The following SLC2A1 variants were observed in gnomAD, a reference collection of about 807,000 sequenced individuals.
SLC2A1 encodes solute carrier family 2, facilitated glucose transporter member 1.
A neutral mutation model predicts 46.6 loss-of-function variants in SLC2A1; 4 were observed. The ratio of observed to expected loss-of-function variants is 0.09; its 90% CI spans 0.04 to 0.20. The LOEUF (loss-of-function observed/expected upper bound fraction) is 0.20, where lower values mean the gene tolerates loss of function less well. Ranked by LOEUF, SLC2A1 falls within the 10% of genes least tolerant of loss-of-function variation. The pLI is 1.00. For synonymous variants in SLC2A1, 253 were observed against 270.0 expected, an observed-to-expected ratio of 0.94 and a Z score of 0.62; for missense variants, 352 against 667.0, an observed-to-expected ratio of 0.53 and a Z score of 5.20.
In SLC2A1 at chr1:42,926,666, G is replaced by C; in HGVS notation, c.*375C>G. Reference sequence around the variant, plus strand: ...CTTAGGACATAGGTCCAGCCCTACAGATTAGCTGGGTGAAGAAGGCAAGTG... The same window carrying C: ...CTTAGGACATAGGTCCAGCCCTACACATTAGCTGGGTGAAGAAGGCAAGTG... On this transcript the variant is annotated 3_prime_UTR_variant, in exon 10 of 10. Transcript: ENST00000426263. 2.3e-6 allele frequency: 3 copies of C among 1,298,908 alleles called. No individual in the cohort carries two copies. The highest frequency in any genetic ancestry group is 3.0e-6 in the Non-Finnish European group (3 of 992,160). 80.5% of individuals were successfully genotyped at this position (1,298,908 alleles called of 1,614,324 possible).
At chr1:42,928,884 C>T in intron 8 of SLC2A1, 48 bp downstream of exon 8, 2 of 1,539,486 alleles carry the variant, frequency 1.3e-6, no homozygotes, top group Non-Finnish European at 1.8e-6. Context: ...ATATGAAGCC[C>T]AGGCAAACTC....
Position 42,928,210 on chromosome 1 carries a change from G to A in SLC2A1, c.1075-402C>T, listed in dbSNP as rs138762295. Reference sequence around the variant, plus strand: ...GGCACAGAGTAAGCGCTAAGCATACGGTTCTGCATATAACCATTCTTGAGG... The same window carrying A: ...GGCACAGAGTAAGCGCTAAGCATACAGTTCTGCATATAACCATTCTTGAGG... On this transcript the variant is annotated intron_variant, in intron 8 of 9. Coordinates refer to ENST00000426263, the MANE Select transcript of SLC2A1 (RefSeq NM_006516.4). 3.3e-3 allele frequency among the ~76,000 whole-genome samples: 508 copies of A among 152,298 alleles called. 5 individuals carry two copies. The highest frequency in any genetic ancestry group is 0.011 in the African/African-American group (472 of 41,556).
intron 1 of SLC2A1, among the ~76,000 whole-genome samples, chr1:42,958,301 G>A (rs940419648): frequency 1.2e-4 from 18 of 151,364 alleles, no homozygotes; most frequent in African/African-American, 4.1e-4. Flanking sequence ...GAGGTCGTGT[G>A]CGACGTGCCG....
intron 1 of SLC2A1, 57 bp downstream of exon 1, chr1:42,958,577 C>A (rs1051187867): frequency 2.1e-6 from 3 of 1,445,146 alleles, no homozygotes; most frequent in African/African-American, 3.0e-5. Flanking sequence ...CGGCGTAAGG[C>A]GGGCAGGAGT....
At chr1:42,948,659 T>C (rs1471831049) in intron 1 of SLC2A1, among the ~76,000 whole-genome samples, 7 of 152,142 alleles carry the variant, frequency 4.6e-5, no homozygotes, top group Non-Finnish European at 4.4e-5. Context: ...CTGGGCGCGG[T>C]GGCTTACACC....
intron 1 of SLC2A1, among the ~76,000 whole-genome samples, chr1:42,948,772 T>C (rs564717142): frequency 1.3e-5 from 2 of 151,634 alleles, no homozygotes; most frequent in East Asian, 3.9e-4. Context: ...CTACTAAAAA[T>C]AGAAAAGTTG....
chr1:42,928,110 G>T (rs1184385640), intron 8 of SLC2A1, among the ~76,000 whole-genome samples: 1 of 152,232 alleles, frequency 6.6e-6, no homozygotes, highest in African/African-American at 2.4e-5. Context: ...CAGTCCGCCT[G>T]TGGCAGGATG....
Position 42,929,183 on chromosome 1 carries a change from TG to T in SLC2A1, c.972+26del, listed in dbSNP as rs761093585. On this transcript the variant is annotated intron_variant, in intron 7 of 9. Coordinates refer to ENST00000426263, the MANE Select transcript of SLC2A1 (RefSeq NM_006516.4). This position sits in a 1 kb window ranked among gnomAD's most constrained non-coding sequence, Gnocchi z 6.0. ...CACTGCCTCCTCCCTGGGGTTTGGC[TG>T]GGGGGGCCAGTAAGCAAAGACTCAC... 28 of 1,599,882 alleles carry T rather than the reference TG, an allele frequency of 1.8e-5. No homozygotes were observed. The highest frequency in any genetic ancestry group is 4.0e-5 in the African/African-American group (3 of 74,480).
At position 42,958,825 on chromosome 1, in the gene SLC2A1, C is replaced by G; in HGVS notation, c.-174G>C. ...CCTGGCGTGCTCACTCGGGGACCCG[C>G]GACTAGCGACCGGCACGCTCGCTGT... On this transcript the variant is annotated 5_prime_UTR_variant, in exon 1 of 10. Transcript: ENST00000426263. The G allele has an allele frequency of 5.0e-6, 3 of 599,856 alleles. No individual in the cohort carries two copies. In the South Asian group the frequency reaches 6.0e-5, roughly 12 times the overall value. The allele number at this position is 599,856 out of a possible 1,614,324, so 37.2% of individuals were successfully genotyped here.
chr1:42,929,189 G>A lies in SLC2A1; in HGVS notation c.972+21C>T, dbSNP rs200306294. On this transcript the variant is annotated intron_variant, in intron 7 of 9. Coordinates refer to ENST00000426263, the MANE Select transcript of SLC2A1 (RefSeq NM_006516.4). The surrounding 1 kb of genome is among the most constrained non-coding windows in gnomAD (Gnocchi z 6.0). ...CTCCTCCCTGGGGTTTGGCTGGGGG[G>A]GCCAGTAAGCAAAGACTCACCGACA... The A allele has an allele frequency of 1.2e-5, 19 of 1,603,670 alleles. No individual in the cohort carries two copies. The South Asian group carries it at 1.8e-4, about 15-fold the overall frequency.
At position 42,930,105 on chromosome 1, in the gene SLC2A1, C is replaced by G; in HGVS notation, c.517-70G>C. Reference sequence around the variant, plus strand: ...TCCCACCCCGTCCTGCCAGAGTGGCCTTCCCTACTTTGTGTCAGCTGCTGC... The same window carrying G: ...TCCCACCCCGTCCTGCCAGAGTGGCGTTCCCTACTTTGTGTCAGCTGCTGC... On this transcript the variant is annotated intron_variant, in intron 4 of 9. Coordinates refer to ENST00000426263, the MANE Select transcript of SLC2A1 (RefSeq NM_006516.4). The surrounding 1 kb of genome is among the most constrained non-coding windows in gnomAD (Gnocchi z 6.2). 2.6e-6 allele frequency: 4 copies of G among 1,565,002 alleles called. No individual in the cohort carries two copies. Among genetic ancestry groups the G allele is most frequent in the Non-Finnish European group, 3.5e-6 (4 of 1,143,466 alleles).
intron 1 of SLC2A1, among the ~76,000 whole-genome samples, chr1:42,957,452 A>G (rs951508284): frequency 6.6e-6 from 1 of 152,226 alleles, no homozygotes; most frequent in Non-Finnish European, 1.5e-5. Context: ...TAGGAAGGGC[A>G]GTTCAAAATT....
intron 1 of SLC2A1, among the ~76,000 whole-genome samples, chr1:42,956,407 C>CAAAAAAAAAAAAAAAAAAAAAAAAAA (rs71577684): frequency 1.3e-4 from 6 of 44,506 alleles, no homozygotes; most frequent in African/African-American, 6.3e-4. Flanking sequence ...ACTAAAACTA[C>CAAAAAAAAAAAAAAAAAAAAAAAAAA]AAAAAAAAAA....
chr1:42,955,602 A>C (rs1643764120), intron 1 of SLC2A1, among the ~76,000 whole-genome samples: 1 of 152,224 alleles, frequency 6.6e-6, no homozygotes, highest in African/African-American at 2.4e-5. Flanking sequence ...GTCTCAAAAA[A>C]AGACAAAAAA....
intron 1 of SLC2A1, among the ~76,000 whole-genome samples, chr1:42,946,368 G>A (rs1643655399): frequency 6.6e-6 from 1 of 152,316 alleles, no homozygotes; most frequent in Non-Finnish European, 1.5e-5. Flanking sequence ...AAGTAGAGCT[G>A]GGGCCCCGGA....
Position 42,927,363 on chromosome 1 carries a change from G to C in SLC2A1, c.1279-122C>G. On this transcript the variant is annotated intron_variant, in intron 9 of 9. Coordinates refer to ENST00000426263, the MANE Select transcript of SLC2A1 (RefSeq NM_006516.4). The surrounding 1 kb of genome is among the most constrained non-coding windows in gnomAD (Gnocchi z 5.3). ...AAAAGGGAACATCCACCTACCCAGG[G>C]ATGCTATCATAATTAACTGAGACCA... The C allele has an allele frequency of 1.1e-6, 1 of 939,014 alleles. No individual in the cohort carries two copies. The highest frequency in any genetic ancestry group is 1.7e-6 in the Non-Finnish European group (1 of 587,796). The allele number at this position is 939,014 out of a possible 1,614,324, so 58.2% of individuals were successfully genotyped here. A position where few individuals can be genotyped will look rare whatever the true frequency, so the allele number is the denominator to read the frequency against.
At chr1:42,953,971 G>A (rs959321211) in intron 1 of SLC2A1, among the ~76,000 whole-genome samples, 8 of 152,196 alleles carry the variant, frequency 5.3e-5, no homozygotes, top group African/African-American at 1.9e-4. Context: ...CATCCACTGG[G>A]GGTAGCCAAG....
At chr1:42,948,633 A>G (rs1643683177) in intron 1 of SLC2A1, among the ~76,000 whole-genome samples, 4 of 152,218 alleles carry the variant, frequency 2.6e-5, no homozygotes, top group Admixed American at 6.5e-5. Flanking sequence ...GGGCATTAAA[A>G]GAAAGAACCT....
At chr1:42,942,968 TG>T in intron 2 of SLC2A1, 2 of 561,780 alleles carry the variant, frequency 3.6e-6, no homozygotes, top group South Asian at 4.1e-5. Context: ...CTGAGTTGGG[TG>T]GGGGGTTGGT....
Sources: allele counts gnomAD v4.1 joint callset (sites outside exome capture counted in the v4.1 genomes callset), GRCh38; gene constraint gnomAD v4.1.1; non-coding constraint Gnocchi (gnomAD v3.1); transcripts MANE v1.5; gene names NCBI Gene and HGNC (gene_info 2026-07-23, HGNC 2026-07-21).